The following SLC25A40 variants were observed in gnomAD, a reference collection of about 807,000 sequenced individuals.
The protein encoded by SLC25A40 is solute carrier family 25 member 40.
Under a neutral mutation model 46.5 loss-of-function variants are expected in SLC25A40, and 41 were observed. The ratio of observed to expected loss-of-function variants is 0.88; its 90% CI spans 0.69 to 1.14. SLC25A40 has a LOEUF of 1.14. Among genes scored for constraint, SLC25A40 ranks in the 50% most tolerant of loss-of-function variants. The pLI is 0.00. For synonymous variants in SLC25A40, 126 were observed against 127.5 expected, an observed-to-expected ratio of 0.99 and a Z score of 0.08; for missense variants, 386 against 393.6, an observed-to-expected ratio of 0.98 and a Z score of 0.16.
chr7:87,848,878 G>T (rs1332611063), intron 6 of SLC25A40, among the ~76,000 whole-genome samples: 1 of 152,162 alleles, frequency 6.6e-6, no homozygotes, highest in Non-Finnish European at 1.5e-5. Flanking sequence ...GGACTGACTG[G>T]TGGGGTATCG....
At chr7:87,848,671 A>G (rs1220206583) in intron 6 of SLC25A40, among the ~76,000 whole-genome samples, 1 of 152,234 alleles carries the variant, frequency 6.6e-6, no homozygotes, top group Non-Finnish European at 1.5e-5. Flanking sequence ...AATTCTAATG[A>G]CATACTATTT....
At chr7:87,855,816 T>G (rs1838605569) in intron 4 of SLC25A40, among the ~76,000 whole-genome samples, 1 of 152,212 alleles carries the variant, frequency 6.6e-6, no homozygotes, top group Non-Finnish European at 1.5e-5. Flanking sequence ...TCTAAGGAAT[T>G]GCGAATTTTG....
rs369345185 is a variant in SLC25A40 at position 87,856,322 on chromosome 7, G to C, written c.127C>G (p.Leu43Val). The change falls in exon 4 of 12, where the codon CTC (leucine) becomes GTC (valine). Residue 43 changes from leucine (L) to valine (V), a missense_variant. Physicochemically the swap from Leu to Val is conservative, Grantham distance 32. Transcript: ENST00000341119. ...VTPLDVVKIR[L>V]QAQNNPLPKG... The stretch of plus-strand genomic sequence containing the variant: ...GGGAGTGGGTTGTTTTGGGCTTGGA[G>C]TCTAATTTTAACAACATCCAGGGGT... 30 of 1,613,328 alleles carry C rather than the reference G, an allele frequency of 1.9e-5. 1 individual carries two copies. The highest frequency in any genetic ancestry group is 2.5e-5 in the Non-Finnish European group (30 of 1,179,488).
chr7:87,861,215 G>A (rs531760724), intron 1 of SLC25A40, among the ~76,000 whole-genome samples: 3 of 152,258 alleles, frequency 2.0e-5, no homozygotes, highest in Admixed American at 6.5e-5. Context: ...GGAAAAAAAC[G>A]TGGCAAGGGA....
intron 10 of SLC25A40, among the ~76,000 whole-genome samples, chr7:87,840,875 T>C (rs1838321450): frequency 6.6e-6 from 1 of 151,838 alleles, no homozygotes; most frequent in Non-Finnish European, 1.5e-5. Flanking sequence ...TTTTACTTTT[T>C]ATGCAAACTA....
chr7:87,842,506 T>G (rs1838351611), intron 9 of SLC25A40, among the ~76,000 whole-genome samples: 1 of 152,106 alleles, frequency 6.6e-6, no homozygotes, highest in Non-Finnish European at 1.5e-5. Context: ...TCACTTATAT[T>G]TTATTTCACC....
chr7:87,850,768 C>CA (rs58374165), intron 5 of SLC25A40, among the ~76,000 whole-genome samples: 323 of 104,310 alleles, frequency 3.1e-3, no homozygotes, highest in African/African-American at 8.2e-3. Flanking sequence ...GACCCTGTCT[C>CA]AAAAAAAAAA....
intron 1 of SLC25A40, among the ~76,000 whole-genome samples, chr7:87,869,832 G>C (rs1838868408): frequency 1.3e-5 from 2 of 152,084 alleles, no homozygotes; most frequent in African/African-American, 4.8e-5. Context: ...AGAATAGCTG[G>C]ATCAAATGGT....
chr7:87,847,975 A>G lies in SLC25A40; in HGVS notation c.335T>C (p.Val112Ala). The change falls in exon 7 of 12, where the codon GTG becomes GCG. Residue 112 changes from valine (V) to alanine (A), a missense_variant and splice_region_variant. Val to Ala is a moderately conservative substitution (Grantham distance 64). Coordinates refer to ENST00000341119, the MANE Select transcript of SLC25A40 (RefSeq NM_018843.4). Reference protein sequence around the residue: ...SLWSGLPPTLVMAVPATVIYF... With the variant: ...SLWSGLPPTLAMAVPATVIYF... ...AATAACTGTGGCAGGAACTGCCATC[A>G]CTCTGTTAGATCACACAAAAAGATT... is the stretch of plus-strand genomic sequence containing the variant. 2.5e-6 allele frequency: 4 copies of G among 1,604,944 alleles called. No individual in the cohort carries two copies. The highest frequency in any genetic ancestry group is 3.4e-6 in the Non-Finnish European group (4 of 1,177,114).
intron 4 of SLC25A40, among the ~76,000 whole-genome samples, 168 bp from the exon 5 acceptor site, chr7:87,854,478 T>C (rs1838571958): frequency 6.6e-6 from 1 of 152,050 alleles, no homozygotes; most frequent in African/African-American, 2.4e-5. Flanking sequence ...ACAGACAAAA[T>C]TAATTTGATT....
intron 1 of SLC25A40, among the ~76,000 whole-genome samples, chr7:87,875,757 C>A (rs961893649): frequency 6.6e-6 from 1 of 152,238 alleles, no homozygotes; most frequent in Non-Finnish European, 1.5e-5. Flanking sequence ...AAATAGCCAA[C>A]TACCCAAGGA....
intron 8 of SLC25A40, among the ~76,000 whole-genome samples, chr7:87,844,465 A>G (rs752422481): frequency 4.6e-5 from 7 of 152,140 alleles, no homozygotes; most frequent in Non-Finnish European, 7.4e-5. Flanking sequence ...CCAAAAAATA[A>G]TTATTAATGG....
At chr7:87,850,790 A>G (rs1838495928) in intron 5 of SLC25A40, among the ~76,000 whole-genome samples, 1 of 152,092 alleles carries the variant, frequency 6.6e-6, no homozygotes, top group Non-Finnish European at 1.5e-5. Flanking sequence ...AGAAAAGAAA[A>G]ATAGAAAAAG....
intron 1 of SLC25A40, among the ~76,000 whole-genome samples, chr7:87,869,892 G>A (rs957935462): frequency 1.4e-4 from 21 of 152,130 alleles, no homozygotes; most frequent in Non-Finnish European, 1.2e-4. Context: ...TTCCGAAGCC[G>A]TTGAACCATT....
At chr7:87,837,270 T>C (rs943335003) in intron 10 of SLC25A40, 4 of 151,024 alleles carry the variant, frequency 2.6e-5, no homozygotes, top group African/African-American at 9.7e-5. Flanking sequence ...AAAAAGTGTA[T>C]AGAAACCTTC....
Position 87,834,832 on chromosome 7 carries a change from A to G in SLC25A40, c.*1417T>C, listed in dbSNP as rs1030056355. ...ATAAAACATTTTAATGAAATATAAG[A>G]AAGTCATGAATATTTATGTGGATAT... On this transcript the variant is annotated 3_prime_UTR_variant, in exon 12 of 12. Transcript: ENST00000341119. 2 of 151,678 alleles carry G rather than the reference A, an allele frequency of 1.3e-5. No homozygotes were observed. Among genetic ancestry groups the G allele is most frequent in the African/African-American group, 4.8e-5 (2 of 41,402 alleles). The allele number at this position is 151,678 out of a possible 1,614,324, so 9.4% of individuals were successfully genotyped here. A position where few individuals can be genotyped will look rare whatever the true frequency, so the allele number is the denominator to read the frequency against.
At chr7:87,863,810 C>T (rs1391659121) in intron 1 of SLC25A40, among the ~76,000 whole-genome samples, 1 of 152,128 alleles carries the variant, frequency 6.6e-6, no homozygotes, top group Non-Finnish European at 1.5e-5. Flanking sequence ...CTTATTTCTT[C>T]TAACTGAAAG....
At chr7:87,862,340 T>C (rs1467945262) in intron 1 of SLC25A40, among the ~76,000 whole-genome samples, 1 of 152,126 alleles carries the variant, frequency 6.6e-6, no homozygotes. Context: ...CCCTGCAAAA[T>C]TCCTCTTTTC....
rs1378734037 is a variant in SLC25A40 at position 87,847,880 on chromosome 7, G to A, written c.430C>T (p.Pro144Ser). Residue 144 changes from proline to serine, a missense_variant, in exon 7 of 12, where the codon CCA (proline) becomes TCA (serine). Pro to Ser is a moderately conservative substitution (Grantham distance 74). Transcript: ENST00000341119. Reference protein sequence around the residue: ...SKLGENETCIPIVAGIVARFG... With the variant: ...SKLGENETCISIVAGIVARFG... ...CTGGCTACAATTCCAGCAACAATTG[G>A]TATGCAGGTTTCATTTTCTCCTAAC... 2.2e-5 allele frequency: 35 copies of A among 1,611,008 alleles called. No individual in the cohort carries two copies. Among genetic ancestry groups the A allele is most frequent in the Non-Finnish European group, 3.0e-5 (35 of 1,178,904 alleles).
Sources: gnomAD v4.1 joint callset for allele counts (sites outside exome capture counted in the v4.1 genomes callset) on GRCh38, gnomAD v4.1.1 for gene constraint, MANE v1.5 for transcripts, NCBI Gene and HGNC (gene_info 2026-07-23, HGNC 2026-07-21) for gene names.